Variants in BTBD18 observed in about 807,000 individuals in gnomAD.
BTBD18 encodes BTB domain containing 18.
For synonymous variants in BTBD18, 311 were observed against 324.4 expected (o/e 0.96, Z 0.44); for missense variants, 787 against 846.3 (o/e 0.93, Z 0.87).
Position 57,744,534 on chromosome 11 carries a change from TCAGAGGGCATGA to T in BTBD18, c.1727_1738del (p.Val576_Ser579del). 1 of 1,551,626 alleles carries T rather than the reference TCAGAGGGCATGA, an allele frequency of 6.4e-7. No individual in the cohort carries two copies. The highest frequency in any genetic ancestry group is 1.4e-5 in the African/African-American group (1 of 73,154). Reference sequence around the variant, plus strand: ...TCCTACTGAAAGCACTTCACTCACCTCAGAGGGCATGACAAGGGGGCTAAGGAGCTCAGTTGG... The same window carrying T: ...TCCTACTGAAAGCACTTCACTCACCTCAAGGGGGCTAAGGAGCTCAGTTGG... On this transcript the variant is annotated inframe_deletion, in exon 3 of 3. Coordinates refer to ENST00000422652, the MANE Select transcript of BTBD18 (RefSeq NM_001145101.3).
chr11:57,744,561 A>G lies in BTBD18; in HGVS notation c.1712T>C (p.Leu571Pro). Residue 571 changes from leucine to proline, a missense_variant, in exon 3 of 3, where the codon CTC becomes CCC. By Grantham distance (98) the Leu-to-Pro change is moderately conservative (BLOSUM62 -3). Coordinates refer to ENST00000422652, the MANE Select transcript of BTBD18 (RefSeq NM_001145101.3). ...AGAGGGCATGACAAGGGGGCTAAGGAGCTCAGTTGGCCCTCTGTTCTCACC... is the reference window on the plus strand; with the variant it reads ...AGAGGGCATGACAAGGGGGCTAAGGGGCTCAGTTGGCCCTCTGTTCTCACC... ...PAGENRGPTE[L>P]LSPLVMPSEV... is the part of the protein sequence containing the mutation. 6.4e-7 allele frequency: 1 copy of G among 1,551,690 alleles called. No homozygotes were observed. The highest frequency in any genetic ancestry group is 8.7e-7 in the Non-Finnish European group (1 of 1,146,984).
In BTBD18 at chr11:57,745,482, C is replaced by G. The variant is rs1949172079; in HGVS notation, c.791G>C (p.Arg264Thr). 3 of 1,549,884 alleles carry G rather than the reference C, an allele frequency of 1.9e-6. No individual in the cohort carries two copies. The highest frequency in any genetic ancestry group is 1.2e-5 in the South Asian group (1 of 84,062). ...AGGAGATGGCTTTGAGCGACTGAGC[C>G]TGATCTTTCTGGGCAACAGGTGTTT... is the stretch of plus-strand genomic sequence containing the variant. ...VDKHLLPRKI[R>T]LSRSKPSPGI... is the part of the protein sequence containing the mutation. Residue 264 changes from arginine (R) to threonine (T), a missense_variant, in exon 3 of 3, where the codon AGG becomes ACG. Physicochemically the swap from Arg to Thr is moderately conservative, Grantham distance 71. Coordinates refer to ENST00000422652, the MANE Select transcript of BTBD18 (RefSeq NM_001145101.3).
At chr11:57,752,308 GT>G (rs1381477877), upstream of BTBD18, among the ~76,000 whole-genome samples, 2 of 152,200 alleles carry the variant, frequency 1.3e-5, no homozygotes, top group African/African-American at 4.8e-5. Context: ...GCCGAGGCGG[GT>G]GGATCACCTG....
Position 57,744,735 on chromosome 11 carries a change from G to A in BTBD18, c.1538C>T (p.Ser513Phe), listed in dbSNP as rs1400889569. 3.9e-6 allele frequency: 6 copies of A among 1,551,724 alleles called. No individual in the cohort carries two copies. The East Asian group carries it at 7.3e-5, about 19-fold the overall frequency. Reference sequence around the variant, plus strand: ...GCCCTCAGCCCCTGGACTCTCCAGAGACCCTATAGGTGGTTCAATGTCTGA... The same window carrying A: ...GCCCTCAGCCCCTGGACTCTCCAGAAACCCTATAGGTGGTTCAATGTCTGA... ...CGSDIEPPIG[S>F]LESPGAEGCR... The change falls in exon 3 of 3, where the codon TCT becomes TTT. Residue 513 changes from serine (S) to phenylalanine (F), a missense_variant. Physicochemically the swap from Ser to Phe is radical, Grantham distance 155. Coordinates refer to ENST00000422652, the MANE Select transcript of BTBD18 (RefSeq NM_001145101.3).
At chr11:57,746,570 C>T (rs867922836) in intron 2 of BTBD18, among the ~76,000 whole-genome samples, 6 of 151,998 alleles carry the variant, frequency 3.9e-5, no homozygotes, top group East Asian at 1.9e-4. Flanking sequence ...GTGATCCACC[C>T]GCCTCGGCCT....
chr11:57,747,071 T>A (rs367586547), intron 2 of BTBD18, among the ~76,000 whole-genome samples: 1 of 152,218 alleles, frequency 6.6e-6, no homozygotes, highest in African/African-American at 2.4e-5. Context: ...AAAACTTTTA[T>A]AGAAGCAACT....
chr11:57,745,833 G>T lies in BTBD18; in HGVS notation c.440C>A (p.Thr147Lys), dbSNP rs1270879628. Reference protein sequence around the residue: ...RRLNRECLQPTSAAPISARVV... With the variant: ...RRLNRECLQPKSAAPISARVV... ...TCTGGCAGAGATTGGTGCAGCACTT[G>T]TTGGTTGTAAGCACTCTCGGTTCAG... is the stretch of plus-strand genomic sequence containing the variant. Residue 147 changes from threonine to lysine, a missense_variant, in exon 3 of 3, where the codon ACA becomes AAA. By Grantham distance (78) the Thr-to-Lys change is moderately conservative. Transcript: ENST00000422652. The T allele has an allele frequency of 1.9e-6, 3 of 1,551,410 alleles. No individual in the cohort carries two copies. In the South Asian group the frequency reaches 3.6e-5, roughly 18 times the overall value.
At chr11:57,750,120 G>C (rs983351409) in intron 2 of BTBD18, among the ~76,000 whole-genome samples, 1 of 151,922 alleles carries the variant, frequency 6.6e-6, no homozygotes, top group Non-Finnish European at 1.5e-5. Context: ...GCTCACGCCT[G>C]TAATCCCAGC....
upstream of BTBD18, among the ~76,000 whole-genome samples, chr11:57,752,926 G>C (rs1049693981): frequency 1.3e-5 from 2 of 152,260 alleles, no homozygotes; most frequent in African/African-American, 2.4e-5. Flanking sequence ...CTAGGCGCGA[G>C]GGTTTCTGGG....
chr11:57,746,164 A>G lies in BTBD18; in HGVS notation c.125-16T>C, dbSNP rs1949183931. ...ACTGCCTCACCTGAAGGGAAACCCA[A>G]ATACTTTTGTTATCAGGTAGACTGG... On this transcript the variant is annotated splice_polypyrimidine_tract_variant and intron_variant, in intron 2 of 2. Coordinates refer to ENST00000422652, the MANE Select transcript of BTBD18 (RefSeq NM_001145101.3). The G allele has an allele frequency of 6.6e-7, 1 of 1,519,896 alleles. No individual in the cohort carries two copies. Among genetic ancestry groups the G allele is most frequent in the Admixed American group, 2.2e-5 (1 of 46,412 alleles). The allele number at this position is 1,519,896 out of a possible 1,614,324, so 94.2% of individuals were successfully genotyped here. A position where few individuals can be genotyped will look rare whatever the true frequency, so the allele number is the denominator to read the frequency against.
intron 2 of BTBD18, among the ~76,000 whole-genome samples, chr11:57,747,561 C>G (rs958171316): frequency 1.3e-5 from 2 of 152,168 alleles, no homozygotes; most frequent in Admixed American, 6.5e-5. Flanking sequence ...GTGGCCCAGG[C>G]TGGAGTGCAA....
chr11:57,752,771 G>T (rs190027348), upstream of BTBD18, among the ~76,000 whole-genome samples: 1 of 152,322 alleles, frequency 6.6e-6, no homozygotes, highest in African/African-American at 2.4e-5. Context: ...TGCGCAGGTG[G>T]GCCAACGGCT....
At chr11:57,748,580 T>G (rs1949239969) in intron 2 of BTBD18, among the ~76,000 whole-genome samples, 1 of 150,182 alleles carries the variant, frequency 6.7e-6, no homozygotes, top group Non-Finnish European at 1.5e-5. Flanking sequence ...AAAAAAAGAA[T>G]TTGAGCCAGA....
upstream of BTBD18, among the ~76,000 whole-genome samples, chr11:57,752,377 T>TA (rs1413713094): frequency 2.6e-5 from 4 of 151,810 alleles, no homozygotes; most frequent in Admixed American, 6.6e-5. Flanking sequence ...TCTACAAAAA[T>TA]ACGAAAATTA....
At chr11:57,746,791 T>TTA (rs1319777031) in intron 2 of BTBD18, among the ~76,000 whole-genome samples, 5 of 132,400 alleles carry the variant, frequency 3.8e-5, no homozygotes, top group Middle Eastern at 8.2e-3. Context: ...GGGAACACAG[T>TTA]TATACCTTGT....
chr11:57,747,938 T>C (rs1156350798), intron 2 of BTBD18, among the ~76,000 whole-genome samples: 2 of 152,232 alleles, frequency 1.3e-5, no homozygotes, highest in East Asian at 3.8e-4. Context: ...TAGCTGGGAC[T>C]ACAAGCATAT....
chr11:57,749,664 C>T (rs1486495350), intron 2 of BTBD18, among the ~76,000 whole-genome samples: 3 of 142,192 alleles, frequency 2.1e-5, no homozygotes, highest in African/African-American at 7.9e-5. Flanking sequence ...GGAGGAGAAT[C>T]GCTTGAACCC....
rs912107237 is a variant in BTBD18, at chr11:57,744,391, G to A, written c.1882C>T (p.Pro628Ser). The A allele has an allele frequency of 1.9e-6, 3 of 1,551,542 alleles. No individual in the cohort carries two copies. Among genetic ancestry groups the A allele is most frequent in the Non-Finnish European group, 1.7e-6 (2 of 1,146,974 alleles). The change falls in exon 3 of 3, where the codon CCT becomes TCT. Residue 628 changes from proline to serine, a missense_variant. Pro to Ser is a moderately conservative substitution (Grantham distance 74). Transcript: ENST00000422652. ...TPQRSYGDLS[P>S]PCSNWVETGL... is the part of the protein sequence containing the mutation. The stretch of plus-strand genomic sequence containing the variant: ...GTCTCCACCCAGTTTGAGCAGGGAG[G>A]TGAGAGGTCCCCATAAGACCTCTGG...
intron 2 of BTBD18, among the ~76,000 whole-genome samples, chr11:57,750,502 C>T (rs1414768919): frequency 6.6e-6 from 1 of 152,244 alleles, no homozygotes; most frequent in Non-Finnish European, 1.5e-5. Context: ...TTGAGACCAG[C>T]CTGGCCATCA....
Sources: allele counts gnomAD v4.1 joint callset (sites outside exome capture counted in the v4.1 genomes callset), GRCh38; gene constraint gnomAD v4.1.1; transcripts MANE v1.5; gene names NCBI Gene and HGNC (gene_info 2026-07-23, HGNC 2026-07-21).